Variants in PTPN14 observed in about 807,000 individuals in gnomAD.
PTPN14 encodes protein tyrosine phosphatase non-receptor type 14, also known as tyrosine-protein phosphatase non-receptor type 14.
Under a neutral mutation model 126.8 loss-of-function variants are expected in PTPN14, and 53 were observed. The observed-to-expected ratio is 0.42, with a 90% CI of 0.34 to 0.53. PTPN14 has a LOEUF of 0.53. PTPN14 is among the 20% of genes least tolerant of loss of function. PTPN14 has a pLI of 0.08. For synonymous variants in PTPN14, 630 were observed against 599.3 expected, an observed-to-expected ratio of 1.05 and a Z score of -0.75; for missense variants, 1,257 against 1,552.9, an observed-to-expected ratio of 0.81 and a Z score of 3.20.
intron 10 of PTPN14, 88 bp from the exon 11 acceptor site, chr1:214,391,133 A>C: frequency 1.1e-6 from 1 of 898,640 alleles, no homozygotes; most frequent in Non-Finnish European, 1.6e-6. Flanking sequence ...AAGAGAATAA[A>C]CAAGACTGGT....
chr1:214,464,596 C>A (rs369865001), intron 2 of PTPN14, 34 bp downstream of exon 2: 33 of 1,604,320 alleles, frequency 2.1e-5, no homozygotes, highest in Non-Finnish European at 2.7e-5. Context: ...CACGCATGCA[C>A]GCGCACATGC....
intron 16 of PTPN14, among the ~76,000 whole-genome samples, chr1:214,370,077 G>A (rs567876185): frequency 3.9e-5 from 6 of 152,256 alleles, no homozygotes; most frequent in East Asian, 1.9e-4. Context: ...TCAGGAGATC[G>A]AGACCATCCT....
At chr1:214,400,005 G>A (rs1424933465) in intron 7 of PTPN14, among the ~76,000 whole-genome samples, 1 of 150,284 alleles carries the variant, frequency 6.7e-6, no homozygotes, top group Non-Finnish European at 1.5e-5. Context: ...TTGAGCAGGG[G>A]GTTCTTCTTC....
chr1:214,550,539 G>C (rs538207071), intron 1 of PTPN14, among the ~76,000 whole-genome samples: 7 of 152,320 alleles, frequency 4.6e-5, no homozygotes, highest in Non-Finnish European at 1.0e-4. Context: ...GGGGTCACGT[G>C]GGGAAGGAGA....
In PTPN14 at chr1:214,352,244, ATGGACATT is replaced by A. The variant is rs1213775052; in HGVS notation, c.*5670_*5677del. 1 of 152,240 alleles carries A rather than the reference ATGGACATT, an allele frequency of 6.6e-6. No individual in the cohort carries two copies. The highest frequency in any genetic ancestry group is 2.4e-5 in the African/African-American group (1 of 41,462). The allele number at this position is 152,240 out of a possible 1,614,324, so 9.4% of individuals were successfully genotyped here. On this transcript the variant is annotated 3_prime_UTR_variant, in exon 19 of 19. Coordinates refer to ENST00000366956, the MANE Select transcript of PTPN14 (RefSeq NM_005401.5). ...ATGCCAGACACTCAATGCTAGGCTC[ATGGACATT>A]TTAATAGAGAATATCTTAGTTTGGC...
Position 214,384,056 on chromosome 1 carries a change from C to A in PTPN14, c.1799G>T (p.Arg600Leu). Residue 600 changes from arginine (R) to leucine (L), a missense_variant, in exon 13 of 19, where the codon CGG becomes CTG. This residue lies in a region of PTPN14 where 1,021 missense variants were observed against 1,183.3 expected (regional missense o/e 0.86). Transcript: ENST00000366956. This position sits in a 1 kb window ranked among gnomAD's most constrained non-coding sequence, Gnocchi z 5.3. Reference protein sequence around the residue: ...VSGSSPDLVTRKVQLSVKTFQ... With the variant: ...VSGSSPDLVTLKVQLSVKTFQ... The stretch of plus-strand genomic sequence containing the variant: ...GGTCTTCACCGAGAGCTGCACCTTC[C>A]GGGTCACCAGGTCCGGGCTGCTGCC... 1 of 1,584,506 alleles carries A rather than the reference C, an allele frequency of 6.3e-7. No homozygotes were observed. The highest frequency in any genetic ancestry group is 1.1e-5 in the South Asian group (1 of 88,984).
chr1:214,523,187 T>A (rs577113671), intron 1 of PTPN14, among the ~76,000 whole-genome samples: 1 of 151,762 alleles, frequency 6.6e-6, no homozygotes, highest in Non-Finnish European at 1.5e-5. Flanking sequence ...GAACCTGGCA[T>A]CCCGAGGTCA....
intron 1 of PTPN14, among the ~76,000 whole-genome samples, chr1:214,513,202 G>T (rs184472634): frequency 6.6e-6 from 1 of 152,316 alleles, no homozygotes; most frequent in East Asian, 1.9e-4. Context: ...CTGGCTGCCT[G>T]TAAGTGTAAT....
intron 16 of PTPN14, among the ~76,000 whole-genome samples, chr1:214,370,061 A>G (rs1658180076): frequency 1.3e-5 from 2 of 152,212 alleles, no homozygotes; most frequent in South Asian, 4.1e-4. Context: ...CGCGTGGATC[A>G]CAAGGTCAGG....
intron 1 of PTPN14, among the ~76,000 whole-genome samples, chr1:214,488,369 T>G (rs1157047889): frequency 1.3e-5 from 2 of 152,204 alleles, no homozygotes; most frequent in Non-Finnish European, 2.9e-5. Context: ...CAGACACAGC[T>G]GTGCTGCTCT....
chr1:214,455,763 T>A (rs1429058944), intron 2 of PTPN14, among the ~76,000 whole-genome samples: 1 of 152,178 alleles, frequency 6.6e-6, no homozygotes, highest in Non-Finnish European at 1.5e-5. Context: ...GAAACATACA[T>A]TTAAGCATAT....
chr1:214,503,215 A>G (rs1312358622), intron 1 of PTPN14, among the ~76,000 whole-genome samples: 1 of 152,260 alleles, frequency 6.6e-6, no homozygotes, highest in Non-Finnish European at 1.5e-5. Flanking sequence ...TATGAAAGGC[A>G]CTATTCTAAG....
intron 1 of PTPN14, among the ~76,000 whole-genome samples, chr1:214,535,355 G>C (rs4465173): frequency 0.23 from 34,582 of 152,132 alleles, 5,061 homozygotes; most frequent in African/African-American, 0.41. Context: ...GAACACTTAT[G>C]GCAAAAGTAA....
intron 3 of PTPN14, among the ~76,000 whole-genome samples, chr1:214,437,588 T>G (rs1269897725): frequency 1.3e-5 from 2 of 152,200 alleles, no homozygotes; most frequent in Non-Finnish European, 2.9e-5. Context: ...TAAAATATTC[T>G]GAAAGAGAGG....
At chr1:214,395,093 A>T in intron 8 of PTPN14, 107 bp from the exon 9 acceptor site, 1 of 941,510 alleles carries the variant, frequency 1.1e-6, no homozygotes, top group South Asian at 1.4e-5. Context: ...ACAAACTATG[A>T]TTTAACTATT....
At chr1:214,442,213 C>T (rs188235563) in intron 3 of PTPN14, among the ~76,000 whole-genome samples, 1 of 152,110 alleles carries the variant, frequency 6.6e-6, no homozygotes, top group African/African-American at 2.4e-5. Flanking sequence ...ATGTTAGGGA[C>T]GAGAAGTGTT....
intron 1 of PTPN14, among the ~76,000 whole-genome samples, chr1:214,513,382 CAT>C (rs1430809361): frequency 6.6e-6 from 1 of 152,014 alleles, no homozygotes; most frequent in Non-Finnish European, 1.5e-5. Context: ...AAAATTTGAA[CAT>C]GTTGCCACCA....
chr1:214,358,812 G>A (rs1034031522), intron 18 of PTPN14, among the ~76,000 whole-genome samples: 1 of 147,904 alleles, frequency 6.8e-6, no homozygotes, highest in African/African-American at 2.5e-5. Context: ...GTGTGATCTC[G>A]GCTCACTGCA....
chr1:214,475,655 A>AAT (rs1246413429), intron 1 of PTPN14, among the ~76,000 whole-genome samples: 1 of 152,042 alleles, frequency 6.6e-6, no homozygotes, highest in Non-Finnish European at 1.5e-5. Context: ...TAAAAATCAG[A>AAT]ATGGGAAATT....
Sources: gnomAD v4.1 joint callset for allele counts (sites outside exome capture counted in the v4.1 genomes callset) on GRCh38, gnomAD v4.1.1 for gene constraint, gnomAD v4.1.1 regional missense constraint, Gnocchi (gnomAD v3.1) non-coding constraint, MANE v1.5 for transcripts, NCBI Gene and HGNC (gene_info 2026-07-23, HGNC 2026-07-21) for gene names.